The following LPO variants were observed in gnomAD, a reference collection of about 807,000 sequenced individuals.
LPO encodes lactoperoxidase, also known as salivary peroxidase.
A neutral mutation model predicts 68.4 loss-of-function variants in LPO; 70 were observed. That is an observed-to-expected ratio of 1.02 (90% CI 0.84 to 1.25). LPO has a LOEUF of 1.25. Among genes scored for constraint, LPO ranks in the 50% most tolerant of loss-of-function variants. LPO has a pLI of 0.00. For synonymous variants in LPO, 360 were observed against 357.6 expected, an observed-to-expected ratio of 1.01 and a Z score of -0.08; for missense variants, 873 against 908.4, an observed-to-expected ratio of 0.96 and a Z score of 0.50.
At chr17:58,250,183 T>C (rs1275681409) in intron 6 of LPO, among the ~76,000 whole-genome samples, 1 of 152,178 alleles carries the variant, frequency 6.6e-6, no homozygotes, top group Non-Finnish European at 1.5e-5. Context: ...GGATCTGGGT[T>C]CAATCCCATC....
intron 9 of LPO, among the ~76,000 whole-genome samples, chr17:58,257,369 C>T (rs1045716811): frequency 1.3e-5 from 2 of 152,074 alleles, no homozygotes; most frequent in Middle Eastern, 3.2e-3. Flanking sequence ...ATTTAAATCC[C>T]ACAAATAAGT....
chr17:58,258,109 G>A (rs1332423746), intron 9 of LPO, among the ~76,000 whole-genome samples: 1 of 151,998 alleles, frequency 6.6e-6, no homozygotes, highest in Non-Finnish European at 1.5e-5. Context: ...TCACTTTGTT[G>A]ATTGTATCCT....
intron 1 of LPO, among the ~76,000 whole-genome samples, chr17:58,242,093 AAC>A (rs1435493823): frequency 6.6e-6 from 1 of 152,144 alleles, no homozygotes; most frequent in Non-Finnish European, 1.5e-5. Context: ...CCATGGTCTA[AAC>A]ACACAATCAT....
chr17:58,245,641 G>T (rs1225454402), intron 3 of LPO, among the ~76,000 whole-genome samples: 1 of 152,112 alleles, frequency 6.6e-6, no homozygotes, highest in Admixed American at 6.5e-5. Context: ...TGCTCTTCAG[G>T]CAGGTGTCAA....
chr17:58,263,849 C>T (rs1970213565), intron 9 of LPO, among the ~76,000 whole-genome samples: 1 of 152,194 alleles, frequency 6.6e-6, no homozygotes, highest in Non-Finnish European at 1.5e-5. Context: ...TTTCCTGAGC[C>T]TTGCAATGCT....
intron 8 of LPO, among the ~76,000 whole-genome samples, chr17:58,253,207 C>A (rs1047674423): frequency 6.6e-6 from 1 of 152,006 alleles, no homozygotes; most frequent in African/African-American, 2.4e-5. Flanking sequence ...ATAAATAATG[C>A]TCCAAAACCT....
intron 2 of LPO, chr17:58,243,330 G>T (rs2143883141): frequency 2.4e-6 from 1 of 409,044 alleles, no homozygotes; most frequent in Non-Finnish European, 4.4e-6. Flanking sequence ...TTTTTCACTG[G>T]GTGTCCTCTC....
At chr17:58,242,956 G>A (rs758155253) in intron 1 of LPO, 22 bp from the exon 2 acceptor site, 7 of 1,610,742 alleles carry the variant, frequency 4.3e-6, no homozygotes, top group African/African-American at 1.3e-5. Flanking sequence ...GGCTCACAGT[G>A]TGATCCTGCA....
At chr17:58,250,691 C>G in intron 7 of LPO, 70 bp downstream of exon 7, 5 of 1,475,774 alleles carry the variant, frequency 3.4e-6, no homozygotes, top group Non-Finnish European at 4.7e-6. Flanking sequence ...ATTCCCAGCT[C>G]ATCAGCTAGG....
chr17:58,252,452 C>A lies in LPO; in HGVS notation c.1051C>A (p.Pro351Thr). 6.2e-7 allele frequency: 1 copy of A among 1,614,062 alleles called. No individual in the cohort carries two copies. Among genetic ancestry groups the A allele is most frequent in the Non-Finnish European group, 8.5e-7 (1 of 1,180,036 alleles). ...CTACCTGCCCTATGACAGCAAGAAGCCAAGCCCCTGTGAGTTCATCAACAC... is the reference window on the plus strand; with the variant it reads ...CTACCTGCCCTATGACAGCAAGAAGACAAGCCCCTGTGAGTTCATCAACAC... ...LPYLPYDSKKPSPCEFINTTA... is the reference protein window; with the variant it reads ...LPYLPYDSKKTSPCEFINTTA... The change falls in exon 8 of 13, where the codon CCA becomes ACA. Residue 351 changes from proline to threonine, a missense_variant. Transcript: ENST00000262290.
chr17:58,267,685 G>A lies in LPO; in HGVS notation c.1931+99G>A, dbSNP rs1042915408. 1.8e-5 allele frequency: 27 copies of A among 1,461,660 alleles called. No homozygotes were observed. The African/African-American group carries it at 3.5e-4, about 19-fold the overall frequency. 90.5% of individuals were successfully genotyped at this position (1,461,660 alleles called of 1,614,324 possible). A position where few individuals can be genotyped will look rare whatever the true frequency, so the allele number is the denominator to read the frequency against. On this transcript the variant is annotated intron_variant, in intron 12 of 12. Coordinates refer to ENST00000262290, the MANE Select transcript of LPO (RefSeq NM_006151.3). The stretch of plus-strand genomic sequence containing the variant: ...GCGCTGACTCCGGATCTCAGTGTGA[G>A]TAGGGCTTTTCATGGTCCCTGTGAC...
intron 9 of LPO, among the ~76,000 whole-genome samples, chr17:58,261,488 C>T (rs1341953035): frequency 1.3e-5 from 2 of 151,610 alleles, no homozygotes; most frequent in African/African-American, 2.4e-5. Flanking sequence ...TTCAACCTAC[C>T]TATGTCATTA....
intron 3 of LPO, among the ~76,000 whole-genome samples, chr17:58,245,111 C>T (rs556760015): frequency 5.9e-5 from 9 of 152,330 alleles, no homozygotes; most frequent in Non-Finnish European, 1.0e-4. Flanking sequence ...CGCTTCTAGT[C>T]CCCAGACCAG....
chr17:58,243,896 T>C (rs1969804553), intron 2 of LPO, 98 bp from the exon 3 acceptor site: 3 of 770,170 alleles, frequency 3.9e-6, no homozygotes, highest in Non-Finnish European at 4.6e-6. Context: ...ATTTGAGGGG[T>C]GGGGGTAATG....
At position 58,267,395 on chromosome 17, in the gene LPO, A is replaced by T; in HGVS notation, c.1740A>T (p.Thr580=). 6.2e-7 allele frequency: 1 copy of T among 1,614,226 alleles called. No individual in the cohort carries two copies. The highest frequency in any genetic ancestry group is 8.5e-7 in the Non-Finnish European group (1 of 1,180,036). The change falls in exon 12 of 13, where the codon ACA becomes ACT. Residue 580 remains threonine, a synonymous_variant. Transcript: ENST00000262290. ...TCTGTGACCTCTCACAGCCGCAGAC[A>T]CTAGAGGAGTTGAACACAGTGCTGA... ...RAFCDLSQPQ[T]LEELNTVLKS...
chr17:58,255,979 C>CTCATGCTA (rs1433442243), intron 9 of LPO, among the ~76,000 whole-genome samples: 1 of 152,170 alleles, frequency 6.6e-6, no homozygotes, highest in African/African-American at 2.4e-5. Flanking sequence ...CTAAAACTCC[C>CTCATGCTA]TCATGCTATC....
At chr17:58,248,959 C>A in intron 4 of LPO, 101 bp from the exon 5 acceptor site, 1 of 875,436 alleles carries the variant, frequency 1.1e-6, no homozygotes, top group South Asian at 1.3e-5. Flanking sequence ...GGAATGCATT[C>A]CAAAACATGC....
At chr17:58,252,574 C>A in intron 8 of LPO, 68 bp downstream of exon 8, 14 of 1,450,974 alleles carry the variant, frequency 9.6e-6, no homozygotes, top group Non-Finnish European at 1.3e-5. Flanking sequence ...TTACCACTGC[C>A]CCCTTCTTGT....
At chr17:58,267,607 G>A (rs200695797) in intron 12 of LPO, 21 bp downstream of exon 12, 7 of 1,587,430 alleles carry the variant, frequency 4.4e-6, no homozygotes, top group East Asian at 2.2e-5. Context: ...CCTCAGCCAG[G>A]GAGGGAAGGG....
Sources: gnomAD v4.1 joint callset for allele counts (sites outside exome capture counted in the v4.1 genomes callset) on GRCh38, gnomAD v4.1.1 for gene constraint, MANE v1.5 for transcripts, NCBI Gene and HGNC (gene_info 2026-07-23, HGNC 2026-07-21) for gene names.